CUX1: variants seen among roughly 807,000 people sequenced by gnomAD.
CUX1 encodes the protein protein CASP.
In CUX1, 31 loss-of-function variants were observed where a neutral mutation model predicts 158.8. The observed-to-expected ratio is 0.20, with a 90% CI of 0.15 to 0.26. CUX1 has a LOEUF of 0.26. Among genes scored for constraint, CUX1 ranks in the 10% least tolerant of loss-of-function variants. CUX1 has a pLI of 1.00. For synonymous variants in CUX1, 879 were observed against 862.1 expected (o/e 1.02, Z -0.34); for missense variants, 1,589 against 2,014.6 (o/e 0.79, Z 4.04).
At chr7:101,898,144 T>C (rs1300179223) in intron 1 of CUX1, among the ~76,000 whole-genome samples, 1 of 152,030 alleles carries the variant, frequency 6.6e-6, no homozygotes, top group African/African-American at 2.4e-5. Context: ...CGCAAATGTC[T>C]TTTGATATCT....
intron 1 of CUX1, among the ~76,000 whole-genome samples, chr7:101,845,054 A>C (rs748696970): frequency 6.6e-6 from 1 of 151,884 alleles, no homozygotes; most frequent in Admixed American, 6.6e-5. Context: ...TCATACATTT[A>C]TCTCTCCAAA....
chr7:102,080,588 G>A (rs782523598), intron 4 of CUX1, among the ~76,000 whole-genome samples: 1 of 152,176 alleles, frequency 6.6e-6, no homozygotes, highest in African/African-American at 2.4e-5. Flanking sequence ...TGAGCCTCAT[G>A]TCTATTAAGA....
chr7:101,997,328 TTTTGTTTGTTTG>T (rs371966449), intron 2 of CUX1, among the ~76,000 whole-genome samples: 2 of 152,188 alleles, frequency 1.3e-5, no homozygotes, highest in East Asian at 3.8e-4. Context: ...TGGTTTGTTT[TTTTGTTTGTTTG>T]TTTGTTTGTT....
chr7:102,195,911 T>C (rs1161679696), intron 14 of CUX1, among the ~76,000 whole-genome samples: 2 of 152,158 alleles, frequency 1.3e-5, no homozygotes, highest in East Asian at 3.9e-4. Flanking sequence ...CTGATCTGTG[T>C]CTGGTTGTGC....
At chr7:102,237,562 G>T (rs578134349) in intron 22 of CUX1, among the ~76,000 whole-genome samples, 1 of 152,158 alleles carries the variant, frequency 6.6e-6, no homozygotes, top group African/African-American at 2.4e-5. Flanking sequence ...GATTATAGGC[G>T]AGAGCCACCA....
intron 20 of CUX1, among the ~76,000 whole-genome samples, chr7:102,223,429 C>T (rs1257311707): frequency 6.6e-6 from 1 of 152,018 alleles, no homozygotes; most frequent in African/African-American, 2.4e-5. Context: ...GAAACAAATA[C>T]ATTTGACCAG....
At chr7:101,992,718 C>T (rs1815301225) in intron 2 of CUX1, among the ~76,000 whole-genome samples, 1 of 152,138 alleles carries the variant, frequency 6.6e-6, no homozygotes, top group African/African-American at 2.4e-5. Context: ...AGATGATGTG[C>T]CATACTGTTA....
At chr7:101,844,865 T>G (rs1386920108) in intron 1 of CUX1, among the ~76,000 whole-genome samples, 1 of 151,980 alleles carries the variant, frequency 6.6e-6, no homozygotes, top group Non-Finnish European at 1.5e-5. Context: ...ATCCACCCAC[T>G]TTGGCCTCCC....
chr7:102,107,264 C>T (rs1016766140), intron 6 of CUX1, among the ~76,000 whole-genome samples: 2 of 151,926 alleles, frequency 1.3e-5, no homozygotes, highest in African/African-American at 2.4e-5. Flanking sequence ...AGAGGCTGGG[C>T]GCAGTGGCTC....
chr7:102,221,475 CG>C (rs1409242145), intron 20 of CUX1, among the ~76,000 whole-genome samples: 2 of 151,998 alleles, frequency 1.3e-5, no homozygotes, highest in Non-Finnish European at 2.9e-5. Context: ...GATAGAGGGC[CG>C]GGTATGGAAA....
intron 3 of CUX1, among the ~76,000 whole-genome samples, chr7:102,029,117 C>A (rs1820415500): frequency 6.6e-6 from 1 of 151,636 alleles, no homozygotes; most frequent in Non-Finnish European, 1.5e-5. Context: ...CTCAGCCTCC[C>A]CAGCAAATGA....
At chr7:101,867,658 T>C (rs890661362) in intron 1 of CUX1, among the ~76,000 whole-genome samples, 3 of 152,224 alleles carry the variant, frequency 2.0e-5, no homozygotes, top group African/African-American at 7.2e-5. Flanking sequence ...ACACGCATTC[T>C]GGAAGGTACC....
At chr7:102,114,198 A>T (rs1831217322) in intron 7 of CUX1, among the ~76,000 whole-genome samples, 1 of 152,274 alleles carries the variant, frequency 6.6e-6, no homozygotes, top group South Asian at 2.1e-4. Flanking sequence ...AGAAAATAAA[A>T]AAAGATATAT....
exon 18 of CUX1, chr7:102,278,006 C>A: frequency 6.2e-7 from 1 of 1,606,708 alleles, no homozygotes; most frequent in East Asian, 2.3e-5. Flanking sequence ...GGACAGCCTG[C>A]GCGCCGACAA....
intron 10 of CUX1, among the ~76,000 whole-genome samples, chr7:102,175,201 C>G (rs1259591842): frequency 6.6e-6 from 1 of 152,202 alleles, no homozygotes; most frequent in Non-Finnish European, 1.5e-5. Context: ...GGTCCCCACT[C>G]TGGGTCCAGG....
intron 1 of CUX1, among the ~76,000 whole-genome samples, chr7:101,905,295 G>A (rs2131798828): frequency 6.6e-6 from 1 of 152,302 alleles, no homozygotes; most frequent in Admixed American, 6.5e-5. Flanking sequence ...TGTTTTCCAA[G>A]CATGCTCATT....
rs71123016 is a variant in CUX1, at chr7:102,222,811, C to CTTTTTTTTTT, written c.3131-4539_3131-4530dup. Among the ~76,000 whole-genome samples, 47 of 25,526 alleles carry CTTTTTTTTTT rather than the reference C, an allele frequency of 1.8e-3. 12 individuals carry two copies. Among genetic ancestry groups the CTTTTTTTTTT allele is most frequent in the South Asian group, 5.5e-3 (2 of 364 alleles). The allele number at this position is 25,526 out of a possible 152,430, so 16.7% of individuals were successfully genotyped here. ...GGCTGTGTGTCTCGGGGCACCGTAT[C>CTTTTTTTTTT]TTTTTTTTTTTTTTTTTTTTTTTTT... On this transcript the variant is annotated intron_variant, in intron 20 of 23. Transcript: ENST00000292535.
intron 3 of CUX1, among the ~76,000 whole-genome samples, chr7:102,031,400 G>T (rs1820771125): frequency 6.6e-6 from 1 of 152,070 alleles, no homozygotes; most frequent in African/African-American, 2.4e-5. Flanking sequence ...CTTTTTTGAA[G>T]AGTCTTAGCA....
chr7:102,090,833 G>C (rs1211612573), intron 4 of CUX1, among the ~76,000 whole-genome samples: 1 of 152,100 alleles, frequency 6.6e-6, no homozygotes, highest in East Asian at 1.9e-4. Context: ...TGTTAACTCT[G>C]TGTATGGCAA....
Sources: allele counts gnomAD v4.1 joint callset (sites outside exome capture counted in the v4.1 genomes callset), GRCh38; gene constraint gnomAD v4.1.1; transcripts MANE v1.5; gene names NCBI Gene and HGNC (gene_info 2026-07-23, HGNC 2026-07-21).